SFMBT1: variants seen among roughly 807,000 people sequenced by gnomAD.
SFMBT1 encodes the protein scm-like with four MBT domains protein 1.
A neutral mutation model predicts 108.7 loss-of-function variants in SFMBT1; 32 were observed. The observed-to-expected ratio is 0.29, with a 90% CI of 0.22 to 0.40. SFMBT1 has a LOEUF of 0.40. Among genes scored for constraint, SFMBT1 ranks in the 10% least tolerant of loss-of-function variants. The pLI is 1.00. For synonymous variants in SFMBT1, 348 were observed against 369.5 expected (o/e 0.94, Z 0.67); for missense variants, 816 against 1,059.6 (o/e 0.77, Z 3.19).
chr3:53,037,161 T>G (rs1699894528), intron 1 of SFMBT1, among the ~76,000 whole-genome samples: 1 of 152,182 alleles, frequency 6.6e-6, no homozygotes, highest in Non-Finnish European at 1.5e-5. Flanking sequence ...CAGTTGTGTC[T>G]TACCGCCCTG....
chr3:53,023,697 G>T (rs72965358), intron 1 of SFMBT1, among the ~76,000 whole-genome samples: 2 of 152,092 alleles, frequency 1.3e-5, no homozygotes, highest in Non-Finnish European at 2.9e-5. Flanking sequence ...TGGTTGCAGC[G>T]AACTCCAGTA....
chr3:53,029,625 G>A lies in SFMBT1; in HGVS notation c.-131+16191C>T, dbSNP rs144467889. On this transcript the variant is annotated intron_variant, in intron 1 of 20. Transcript: ENST00000394752. ...CTTGCTGCTGCAATTTTCTCAAAAC[G>A]AAAATACAAAAGCAAAGTATCTGAA... Among the ~76,000 whole-genome samples the A allele has an allele frequency of 7.9e-5, 12 of 152,292 alleles. No homozygotes were observed. In the East Asian group the frequency reaches 2.3e-3, roughly 29 times the overall value.
chr3:52,934,430 CAAA>C (rs34039062), intron 5 of SFMBT1, among the ~76,000 whole-genome samples: 37 of 114,244 alleles, frequency 3.2e-4, no homozygotes, highest in Admixed American at 3.7e-4. Flanking sequence ...GTGTTCCAAG[CAAA>C]AAAAAAAAAA....
intron 11 of SFMBT1, among the ~76,000 whole-genome samples, chr3:52,921,054 G>A (rs1702506815): frequency 6.6e-6 from 1 of 152,200 alleles, no homozygotes; most frequent in Non-Finnish European, 1.5e-5. Context: ...CAGAAAAGAA[G>A]AACAGTGAAT....
rs71615878 is a variant in SFMBT1, at chr3:52,948,825, A to ATT, written c.124-5234_124-5233dup. On this transcript the variant is annotated intron_variant, in intron 3 of 20. Transcript: ENST00000394752. ...CTCCACCATGCCTGGCTAATTTTTA[A>ATT]TTTTTTTTTTTTTTTTTTTTTGTAG... Among the ~76,000 whole-genome samples, 39 of 78,300 alleles carry ATT rather than the reference A, an allele frequency of 5.0e-4. 1 individual carries two copies. Among genetic ancestry groups the ATT allele is most frequent in the Admixed American group, 1.0e-3 (6 of 5,964 alleles). The allele number at this position is 78,300 out of a possible 152,430, so 51.4% of individuals were successfully genotyped here. A position where few individuals can be genotyped will look rare whatever the true frequency, so the allele number is the denominator to read the frequency against.
At chr3:52,916,548 A>G (rs1355185891) in intron 13 of SFMBT1, among the ~76,000 whole-genome samples, 1 of 151,832 alleles carries the variant, frequency 6.6e-6, no homozygotes, top group Non-Finnish European at 1.5e-5. Flanking sequence ...AGGCACCTGT[A>G]GTCCCAGCTA....
chr3:53,026,570 C>T (rs544547286), intron 1 of SFMBT1, among the ~76,000 whole-genome samples: 12 of 151,470 alleles, frequency 7.9e-5, no homozygotes, highest in African/African-American at 2.7e-4. Context: ...ATGTTCATGG[C>T]CACAAGTTAA....
At chr3:52,984,771 T>C (rs1396150711) in intron 1 of SFMBT1, among the ~76,000 whole-genome samples, 6 of 149,004 alleles carry the variant, frequency 4.0e-5, no homozygotes, top group Non-Finnish European at 1.5e-5. Flanking sequence ...TGTGTGTGTC[T>C]ATTCATACTA....
Position 52,905,173 on chromosome 3 carries a change from C to A in SFMBT1, c.2564G>T (p.Arg855Met), listed in dbSNP as rs1166884614. 6.2e-7 allele frequency: 1 copy of A among 1,613,998 alleles called. No individual in the cohort carries two copies. Among genetic ancestry groups the A allele is most frequent in the South Asian group, 1.1e-5 (1 of 91,052 alleles). Residue 855 changes from arginine (R) to methionine (M), a missense_variant, in exon 21 of 21, where the codon AGG becomes ATG. Around this residue, in one of 5 missense-constraint regions of SFMBT1, gnomAD observed 49 missense variants for 91.8 expected, o/e 0.53. Coordinates refer to ENST00000394752, the MANE Select transcript of SFMBT1 (RefSeq NM_016329.4). ...CTGCTCATAAAAAGCAAACTTGATC[C>A]TCTCTATGTGATGGCAAAGTTTGAT... ...PAIKLCHHIERIKFAFYEQFA... is the reference protein window; with the variant it reads ...PAIKLCHHIEMIKFAFYEQFA...
At chr3:53,001,922 C>A (rs1433593893) in intron 1 of SFMBT1, among the ~76,000 whole-genome samples, 1 of 87,442 alleles carries the variant, frequency 1.1e-5, no homozygotes, top group Non-Finnish European at 2.5e-5. Context: ...AAGACCCAGT[C>A]TCTCACACAC....
intron 1 of SFMBT1, among the ~76,000 whole-genome samples, chr3:53,016,513 G>C (rs973980356): frequency 6.6e-6 from 1 of 152,312 alleles, no homozygotes; most frequent in South Asian, 2.1e-4. Flanking sequence ...TGCAAATCTA[G>C]TGAGTGTGTA....
intron 4 of SFMBT1, 23 bp from the exon 5 acceptor site, chr3:52,934,924 G>A (rs1052654705): frequency 6.3e-7 from 1 of 1,593,610 alleles, no homozygotes; most frequent in Non-Finnish European, 8.6e-7. Context: ...ATAAATGACT[G>A]ATTACTCAAA....
At chr3:53,005,659 G>T (rs1337843143) in intron 1 of SFMBT1, among the ~76,000 whole-genome samples, 6 of 152,198 alleles carry the variant, frequency 3.9e-5, no homozygotes, top group Non-Finnish European at 8.8e-5. Flanking sequence ...TTCCAGGCAG[G>T]AGGATAAAAG....
chr3:53,033,241 G>T (rs954629556), intron 1 of SFMBT1, among the ~76,000 whole-genome samples: 1 of 151,798 alleles, frequency 6.6e-6, no homozygotes, highest in African/African-American at 2.4e-5. Context: ...GCTCACTGCA[G>T]TCTCCGCCTC....
chr3:52,989,008 C>A (rs1705026215), intron 1 of SFMBT1, among the ~76,000 whole-genome samples: 1 of 152,094 alleles, frequency 6.6e-6, no homozygotes, highest in Admixed American at 6.5e-5. Context: ...TCTCTGAAAA[C>A]CAAAAGTATC....
chr3:52,936,081 T>C (rs1702999115), intron 4 of SFMBT1, among the ~76,000 whole-genome samples: 3 of 152,176 alleles, frequency 2.0e-5, no homozygotes, highest in Non-Finnish European at 2.9e-5. Context: ...GTTATACCCT[T>C]CCCTCAAGAG....
chr3:53,006,699 T>A (rs1698756061), intron 1 of SFMBT1, among the ~76,000 whole-genome samples: 1 of 151,524 alleles, frequency 6.6e-6, no homozygotes, highest in Non-Finnish European at 1.5e-5. Flanking sequence ...TATATAAGGG[T>A]CTTGAGCATC....
chr3:52,962,571 C>T (rs1205033799), intron 2 of SFMBT1, among the ~76,000 whole-genome samples: 3 of 151,774 alleles, frequency 2.0e-5, no homozygotes, highest in Non-Finnish European at 2.9e-5. Flanking sequence ...TTTGGGAGGC[C>T]GAGGTGGGTG....
intron 1 of SFMBT1, among the ~76,000 whole-genome samples, chr3:53,021,215 C>A (rs1439885383): frequency 6.6e-6 from 1 of 152,224 alleles, no homozygotes; most frequent in African/African-American, 2.4e-5. Flanking sequence ...ATTATCACTT[C>A]TCTACAACTA....
Sources: gnomAD v4.1 joint callset for allele counts (sites outside exome capture counted in the v4.1 genomes callset) on GRCh38, gnomAD v4.1.1 for gene constraint, gnomAD v4.1.1 regional missense constraint, MANE v1.5 for transcripts, NCBI Gene and HGNC (gene_info 2026-07-23, HGNC 2026-07-21) for gene names.